The following RSKR variants were observed in gnomAD, a reference collection of about 807,000 sequenced individuals.
RSKR encodes the protein ribosomal protein S6 kinase related, also known as ribosomal protein S6 kinase-related protein.
A neutral mutation model predicts 56.8 loss-of-function variants in RSKR; 44 were observed. That is an observed-to-expected ratio of 0.77 (90% CI 0.61 to 1.00). RSKR has a LOEUF of 1.00. Among genes scored for constraint, RSKR ranks in the 50% least tolerant of loss-of-function variants. The pLI is 0.00. For synonymous variants in RSKR, 181 were observed against 188.0 expected (o/e 0.96, Z 0.30); for missense variants, 510 against 506.9 (o/e 1.01, Z -0.06).
chr17:28,608,109 G>C lies in RSKR; in HGVS notation c.*2369C>G, dbSNP rs1025035469. ...AAGTAGAAAAGGAAGACAGAACCAA[G>C]AACATGACTAGCATACAAAATACAT... On this transcript the variant is annotated 3_prime_UTR_variant, in exon 12 of 12. Coordinates refer to ENST00000301037, the MANE Select transcript of RSKR (RefSeq NM_001174103.2). 2.0e-5 allele frequency: 3 copies of C among 152,212 alleles called. No homozygotes were observed. Among genetic ancestry groups the C allele is most frequent in the East Asian group, 1.9e-4 (1 of 5,190 alleles). The allele number at this position is 152,212 out of a possible 1,614,324, so 9.4% of individuals were successfully genotyped here.
intron 7 of RSKR, 37 bp downstream of exon 7, chr17:28,611,999 TTGAGACTC>T: frequency 6.2e-7 from 1 of 1,614,162 alleles, no homozygotes; most frequent in African/African-American, 1.3e-5. Context: ...GCACTTCTTA[TTGAGACTC>T]TTTCTCAGAC....
rs1232803190 is a variant in RSKR at position 28,611,204 on chromosome 17, G to A, written c.950C>T (p.Thr317Ile). The change falls in exon 11 of 12, where the codon ACC (threonine) becomes ATC (isoleucine). Residue 317 changes from threonine to isoleucine, a missense_variant. Physicochemically the swap from Thr to Ile is moderately conservative, Grantham distance 89. Transcript: ENST00000301037. ...RDHVAMLASV[T>I]HSDSEIPASL... ...AGCTGGGATCTCAGAGTCACTGTGG[G>A]TCACACTTGCCAACATGGCCACATG... 6 of 1,536,300 alleles carry A rather than the reference G, an allele frequency of 3.9e-6. No individual in the cohort carries two copies. The highest frequency in any genetic ancestry group is 4.4e-6 in the Non-Finnish European group (5 of 1,146,892).
intron 10 of RSKR, 48 bp downstream of exon 10, chr17:28,611,345 C>G (rs2070810465): frequency 7.8e-6 from 12 of 1,534,856 alleles, no homozygotes; most frequent in Admixed American, 2.0e-5. Context: ...CTTCTTCCCA[C>G]CACAAGGCAA....
chr17:28,612,598 G>A lies in RSKR; in HGVS notation c.547+20C>T. The A allele has an allele frequency of 6.2e-7, 1 of 1,612,020 alleles. No homozygotes were observed. Among genetic ancestry groups the A allele is most frequent in the Non-Finnish European group, 8.5e-7 (1 of 1,178,112 alleles). ...TGGTACAAAGACCCTGGGGGATGAG[G>A]AGAGAGTCCAGTCACTCACTAATGA... is the stretch of plus-strand genomic sequence containing the variant. On this transcript the variant is annotated intron_variant, in intron 5 of 11. Transcript: ENST00000301037.
In RSKR at chr17:28,612,215, G is replaced by A. The variant is rs767541325; in HGVS notation, c.652+47C>T. 11 of 1,602,212 alleles carry A rather than the reference G, an allele frequency of 6.9e-6. No individual in the cohort carries two copies. The Middle Eastern group carries it at 6.6e-4, about 96-fold the overall frequency. ...ATTAATTTTTTACTCTCCTTCTTCC[G>A]AACTTAAATCTTCCCTCCCCATTTC... is the stretch of plus-strand genomic sequence containing the variant. On this transcript the variant is annotated intron_variant, in intron 6 of 11. Coordinates refer to ENST00000301037, the MANE Select transcript of RSKR (RefSeq NM_001174103.2).
Position 28,612,613 on chromosome 17 carries a change from C to T in RSKR, c.547+5G>A. 4 of 1,614,002 alleles carry T rather than the reference C, an allele frequency of 2.5e-6. No individual in the cohort carries two copies. Among genetic ancestry groups the T allele is most frequent in the Non-Finnish European group, 3.4e-6 (4 of 1,179,910 alleles). ...GGGGGATGAGGAGAGAGTCCAGTCA[C>T]TCACTAATGAAAAGGTGCCGTTTTC... On this transcript the variant is annotated splice_donor_5th_base_variant and intron_variant, in intron 5 of 11. Coordinates refer to ENST00000301037, the MANE Select transcript of RSKR (RefSeq NM_001174103.2).
Position 28,613,302 on chromosome 17 carries a change from T to A in RSKR, c.368A>T (p.Lys123Met). The A allele has an allele frequency of 6.2e-7, 1 of 1,614,022 alleles. No homozygotes were observed. Among genetic ancestry groups the A allele is most frequent in the Non-Finnish European group, 8.5e-7 (1 of 1,180,036 alleles). The change falls in exon 3 of 12, where the codon AAG becomes ATG. Residue 123 changes from lysine to methionine, a missense_variant. By Grantham distance (95) the Lys-to-Met change is moderately conservative. Transcript: ENST00000301037. ...VAKGSFGTVL[K>M]VLDCTQKAVF... is the part of the protein sequence containing the mutation. ...AGCTTTCTGGGTGCAATCTAGCACC[T>A]TGAGGACAGTTCCAAAGGAGCCTTT...
intron 4 of RSKR, 160 bp downstream of exon 4, chr17:28,612,916 CTG>C (rs1375579964): frequency 2.5e-6 from 2 of 815,712 alleles, no homozygotes; most frequent in African/African-American, 3.4e-5. Flanking sequence ...CATGGGAAAA[CTG>C]TGTTGAGAGC....
In RSKR at chr17:28,612,565, G is replaced by A. The variant is rs2070832719; in HGVS notation, c.547+53C>T. ...ACAAGCCAAAGAGGTAATCTCAGGT[G>A]GGGAACATGGTACAAAGACCCTGGG... On this transcript the variant is annotated intron_variant, in intron 5 of 11. Coordinates refer to ENST00000301037, the MANE Select transcript of RSKR (RefSeq NM_001174103.2). 5.1e-6 allele frequency: 8 copies of A among 1,576,902 alleles called. No homozygotes were observed. In the South Asian group the frequency reaches 8.9e-5, roughly 18 times the overall value.
Position 28,613,156 on chromosome 17 carries a change from G to T in RSKR, c.409-10C>A, listed in dbSNP as rs762357504. ...TTACCTTGGGCACCACCTATAAAAG[G>T]AGAGTAGTGATGACTCATAGATAGT... On this transcript the variant is annotated splice_polypyrimidine_tract_variant and intron_variant, in intron 3 of 11. Coordinates refer to ENST00000301037, the MANE Select transcript of RSKR (RefSeq NM_001174103.2). 4 of 1,613,774 alleles carry T rather than the reference G, an allele frequency of 2.5e-6. No individual in the cohort carries two copies. In the South Asian group the frequency reaches 3.3e-5, roughly 13 times the overall value.
intron 4 of RSKR, 44 bp downstream of exon 4, chr17:28,613,034 T>C (rs753465876): frequency 1.2e-6 from 2 of 1,602,046 alleles, no homozygotes; most frequent in Non-Finnish European, 1.7e-6. Flanking sequence ...TCCCTACCTG[T>C]GGCCTAGCTC....
At position 28,611,196 on chromosome 17, in the gene RSKR, C is replaced by T; in HGVS notation, c.958G>A (p.Asp320Asn). ...VAMLASVTHS[D>N]SEIPASLNQG... ...TTAAGAGAAGCTGGGATCTCAGAGT[C>T]ACTGTGGGTCACACTTGCCAACATG... Residue 320 changes from aspartate (D) to asparagine (N), a missense_variant, in exon 11 of 12, where the codon GAC (aspartate) becomes AAC (asparagine). Asp to Asn is a conservative substitution (Grantham distance 23). Transcript: ENST00000301037. 1.3e-6 allele frequency: 2 copies of T among 1,536,298 alleles called. No individual in the cohort carries two copies. Among genetic ancestry groups the T allele is most frequent in the East Asian group, 2.4e-5 (1 of 40,912 alleles).
Position 28,612,538 on chromosome 17 carries a change from G to A in RSKR, c.547+80C>T, listed in dbSNP as rs1429465352. On this transcript the variant is annotated intron_variant, in intron 5 of 11. Transcript: ENST00000301037. ...TGAGAAGGGGGACAGAGCAAAGGCA[G>A]AACAAGCCAAAGAGGTAATCTCAGG... 7.9e-6 allele frequency: 12 copies of A among 1,513,046 alleles called. No homozygotes were observed. In the East Asian group the frequency reaches 2.7e-4, roughly 35 times the overall value. The allele number at this position is 1,513,046 out of a possible 1,614,324, so 93.7% of individuals were successfully genotyped here.
intron 4 of RSKR, 119 bp downstream of exon 4, chr17:28,612,959 T>TA: frequency 1.8e-6 from 2 of 1,120,380 alleles, no homozygotes; most frequent in East Asian, 2.3e-5. Context: ...ACTTTAGTGT[T>TA]AAACTAGGCT....
chr17:28,611,020 A>G, intron 11 of RSKR, 123 bp downstream of exon 11: 1 of 826,804 alleles, frequency 1.2e-6, no homozygotes, highest in South Asian at 1.6e-5. Context: ...GCAAGTAGTT[A>G]GGTAGTTAAG....
rs2070784980 is a variant in RSKR, at chr17:28,609,631, T to C, written c.*847A>G. 1 of 150,446 alleles carries C rather than the reference T, an allele frequency of 6.6e-6. No homozygotes were observed. Among genetic ancestry groups the C allele is most frequent in the African/African-American group, 2.5e-5 (1 of 40,756 alleles). The allele number at this position is 150,446 out of a possible 1,614,324, so 9.3% of individuals were successfully genotyped here. A position where few individuals can be genotyped will look rare whatever the true frequency, so the allele number is the denominator to read the frequency against. On this transcript the variant is annotated 3_prime_UTR_variant, in exon 12 of 12. Coordinates refer to ENST00000301037, the MANE Select transcript of RSKR (RefSeq NM_001174103.2). ...TTGAAATGCCAGCTTTTGAGACTTT[T>C]GAAAAATTCACAGGCTGGGTGTGGA...
rs2070794772 is a variant in RSKR at position 28,610,360 on chromosome 17, C to T, written c.*118G>A. The T allele has an allele frequency of 2.1e-6, 2 of 937,816 alleles. No individual in the cohort carries two copies. Among genetic ancestry groups the T allele is most frequent in the African/African-American group, 3.3e-5 (2 of 60,428 alleles). The allele number at this position is 937,816 out of a possible 1,614,324, so 58.1% of individuals were successfully genotyped here. Reference sequence around the variant, plus strand: ...AACTCTGGTCTAAAGCCTAGGAGAGCAGAACGGTAAGAGGCTACAAAATAA... The same window carrying T: ...AACTCTGGTCTAAAGCCTAGGAGAGTAGAACGGTAAGAGGCTACAAAATAA... On this transcript the variant is annotated 3_prime_UTR_variant, in exon 12 of 12. Coordinates refer to ENST00000301037, the MANE Select transcript of RSKR (RefSeq NM_001174103.2).
chr17:28,610,854 T>A, intron 11 of RSKR, 155 bp from the exon 12 acceptor site: 1 of 774,794 alleles, frequency 1.3e-6, no homozygotes, highest in Non-Finnish European at 2.0e-6. Context: ...AAATAGAGGC[T>A]AATTTGGGGC....
intron 11 of RSKR, chr17:28,610,923 T>A (rs527437692): frequency 3.1e-6 from 2 of 652,092 alleles, no homozygotes; most frequent in East Asian, 2.7e-5. Flanking sequence ...AGTGTTCCAC[T>A]CTCTCAGAAG....
Sources: gnomAD v4.1 joint callset for allele counts on GRCh38, gnomAD v4.1.1 for gene constraint, MANE v1.5 for transcripts, NCBI Gene and HGNC (gene_info 2026-07-23, HGNC 2026-07-21) for gene names.